RNF13: variants seen among roughly 807,000 people sequenced by gnomAD.
RNF13 encodes the protein ring finger protein 13, also known as E3 ubiquitin-protein ligase RNF13.
Under a neutral mutation model 37.7 loss-of-function variants are expected in RNF13, and 19 were observed. The observed-to-expected ratio is 0.50, with a 90% CI of 0.35 to 0.74. The LOEUF (loss-of-function observed/expected upper bound fraction) is 0.74. RNF13 is among the 30% of genes least tolerant of loss of function. RNF13 has a pLI of 0.01. For missense variants in RNF13, 375 were observed against 453.0 expected (o/e 0.83, Z 1.56); for synonymous variants, 144 against 157.8 (o/e 0.91, Z 0.65).
chr3:149,848,046 TTAAA>T (rs973076471), intron 2 of RNF13, among the ~76,000 whole-genome samples: 9 of 152,208 alleles, frequency 5.9e-5, no homozygotes, highest in Non-Finnish European at 1.3e-4. Context: ...GTGGTGGTGA[TTAAA>T]TAAGATAAAC....
chr3:149,957,885 T>C (rs11914691), intron 8 of RNF13, among the ~76,000 whole-genome samples: 4,717 of 152,310 alleles, frequency 0.031, 96 homozygotes, highest in Non-Finnish European at 0.043. Flanking sequence ...CATTCTAATA[T>C]GTGCTTTACC....
chr3:149,907,085 A>G (rs1178058393), intron 6 of RNF13, among the ~76,000 whole-genome samples: 2 of 152,108 alleles, frequency 1.3e-5, no homozygotes, highest in African/African-American at 2.4e-5. Context: ...CATTACATCT[A>G]CTAACTGGTT....
chr3:149,956,209 T>C (rs1721846771), intron 8 of RNF13, among the ~76,000 whole-genome samples: 1 of 152,154 alleles, frequency 6.6e-6, no homozygotes, highest in African/African-American at 2.4e-5. Flanking sequence ...AAAAGATCAC[T>C]CTAGGTGCTA....
At chr3:149,951,793 T>C (rs1375814700) in intron 8 of RNF13, among the ~76,000 whole-genome samples, 2 of 152,186 alleles carry the variant, frequency 1.3e-5, no homozygotes, top group Admixed American at 6.5e-5. Context: ...AGCAGCCTAA[T>C]TAGGAAAAAC....
intron 5 of RNF13, among the ~76,000 whole-genome samples, chr3:149,897,972 G>A (rs367657167): frequency 1.1e-4 from 17 of 152,270 alleles, no homozygotes; most frequent in African/African-American, 4.1e-4. Flanking sequence ...GCAGAAAGTG[G>A]TAGGAAGGAC....
chr3:149,865,605 A>G (rs1463589351), intron 3 of RNF13, among the ~76,000 whole-genome samples: 3 of 152,020 alleles, frequency 2.0e-5, no homozygotes, highest in Non-Finnish European at 4.4e-5. Flanking sequence ...AGTTGGGACT[A>G]CAGGCATGCA....
intron 5 of RNF13, among the ~76,000 whole-genome samples, chr3:149,897,292 A>G (rs891056734): frequency 6.6e-6 from 1 of 152,250 alleles, no homozygotes; most frequent in African/African-American, 2.4e-5. Flanking sequence ...GGATTTAGCA[A>G]ACCTTCAGGA....
intron 1 of RNF13, among the ~76,000 whole-genome samples, chr3:149,845,634 A>C (rs1465763934): frequency 6.6e-6 from 1 of 152,184 alleles, no homozygotes; most frequent in Admixed American, 6.5e-5. Context: ...AGTTGTAGAA[A>C]ATTTTCAATT....
intron 3 of RNF13, among the ~76,000 whole-genome samples, chr3:149,871,182 C>T (rs542600872): frequency 6.6e-6 from 1 of 151,832 alleles, no homozygotes; most frequent in South Asian, 2.1e-4. Flanking sequence ...GCTGGGACTA[C>T]AGGTGTGTGC....
At chr3:149,870,977 T>C (rs1348266251) in intron 3 of RNF13, among the ~76,000 whole-genome samples, 3 of 151,756 alleles carry the variant, frequency 2.0e-5, no homozygotes, top group African/African-American at 7.2e-5. Flanking sequence ...TTTTTATGTG[T>C]TTATTCACTT....
intron 5 of RNF13, among the ~76,000 whole-genome samples, chr3:149,897,865 T>C (rs919917869): frequency 3.3e-5 from 5 of 152,182 alleles, no homozygotes; most frequent in South Asian, 4.1e-4. Context: ...CCCTTCCTGT[T>C]GACACTTCAC....
intron 6 of RNF13, among the ~76,000 whole-genome samples, chr3:149,909,594 C>T (rs1310138616): frequency 6.6e-6 from 1 of 151,924 alleles, no homozygotes; most frequent in Non-Finnish European, 1.5e-5. Flanking sequence ...AATCTTTTAT[C>T]AATTGTTGAC....
intron 8 of RNF13, among the ~76,000 whole-genome samples, chr3:149,925,543 T>C (rs1718551832): frequency 6.6e-6 from 1 of 152,246 alleles, no homozygotes; most frequent in Admixed American, 6.5e-5. Context: ...TTTATACACT[T>C]AGTTGCATTT....
At position 149,952,493 on chromosome 3, in the gene RNF13, A is replaced by C. The variant is rs150409205; in HGVS notation, c.701-7563A>C. Among the ~76,000 whole-genome samples the C allele has an allele frequency of 6.2e-3, 937 of 152,212 alleles. 6 individuals carry two copies. The highest frequency in any genetic ancestry group is 0.021 in the African/African-American group (888 of 41,540). On this transcript the variant is annotated intron_variant, in intron 8 of 9. Transcript: ENST00000392894. ...TTAGATTAGGATGTACATAAATTTG[A>C]GTTTGTTGAAGTTGGCTCTGGAAGG...
intron 2 of RNF13, among the ~76,000 whole-genome samples, chr3:149,849,353 GT>G (rs1417139075): frequency 6.6e-6 from 1 of 151,996 alleles, no homozygotes; most frequent in African/African-American, 2.4e-5. Flanking sequence ...GAGAGAATTG[GT>G]TGCTGGGTAG....
At chr3:149,918,254 ACTAT>A (rs776273532) in intron 7 of RNF13, among the ~76,000 whole-genome samples, 1 of 152,138 alleles carries the variant, frequency 6.6e-6, no homozygotes, top group Non-Finnish European at 1.5e-5. Context: ...CCCAGTTCAG[ACTAT>A]CTATGTTTCA....
At chr3:149,902,492 G>A (rs1715948169) in intron 6 of RNF13, among the ~76,000 whole-genome samples, 1 of 151,956 alleles carries the variant, frequency 6.6e-6, no homozygotes, top group South Asian at 2.1e-4. Flanking sequence ...ATTAAGAAAT[G>A]TTTGTATATT....
At chr3:149,835,353 G>A (rs1021732498) in intron 1 of RNF13, among the ~76,000 whole-genome samples, 1 of 152,076 alleles carries the variant, frequency 6.6e-6, no homozygotes, top group African/African-American at 2.4e-5. Context: ...GGTTACATGA[G>A]TAAGTTCTTT....
At chr3:149,907,548 C>T (rs1010223264) in intron 6 of RNF13, among the ~76,000 whole-genome samples, 4 of 152,148 alleles carry the variant, frequency 2.6e-5, no homozygotes, top group South Asian at 2.1e-4. Flanking sequence ...ATAAGCATGA[C>T]CTCTGGAGTA....
Sources: gnomAD v4.1 joint callset for allele counts (sites outside exome capture counted in the v4.1 genomes callset) on GRCh38, gnomAD v4.1.1 for gene constraint, MANE v1.5 for transcripts, NCBI Gene and HGNC (gene_info 2026-07-23, HGNC 2026-07-21) for gene names.